Variants in WWOX observed in about 807,000 individuals in gnomAD.
The protein encoded by WWOX is WW domain containing oxidoreductase.
A neutral mutation model predicts 46.2 loss-of-function variants in WWOX; 69 were observed. The observed-to-expected ratio is 1.49, with a 90% CI of 1.23 to 1.82. The LOEUF is 1.82. WWOX is among the 40% of genes most tolerant of loss of function. The pLI is 0.00. For synonymous variants in WWOX, 359 were observed against 202.6 expected (o/e 1.77, Z -6.56); for missense variants, 919 against 542.6 (o/e 1.69, Z -6.89).
intron 8 of WWOX, among the ~76,000 whole-genome samples, chr16:78,857,530 C>G (rs2052594820): frequency 6.6e-6 from 1 of 152,130 alleles, no homozygotes; most frequent in South Asian, 2.1e-4. Flanking sequence ...AAGACTTGTT[C>G]TGAGAAATCA....
At chr16:78,880,666 C>G (rs1276920843) in intron 8 of WWOX, among the ~76,000 whole-genome samples, 1 of 152,174 alleles carries the variant, frequency 6.6e-6, no homozygotes, top group Non-Finnish European at 1.5e-5. Context: ...ATTCACTTGC[C>G]GAACTTGCTG....
At chr16:78,677,448 A>C (rs2047628162) in intron 8 of WWOX, among the ~76,000 whole-genome samples, 1 of 152,176 alleles carries the variant, frequency 6.6e-6, no homozygotes. Flanking sequence ...AAGTTTCACA[A>C]AAAAAATTCG....
chr16:78,554,885 C>G (rs1366729942), intron 8 of WWOX, among the ~76,000 whole-genome samples: 4 of 152,136 alleles, frequency 2.6e-5, no homozygotes, highest in Admixed American at 2.6e-4. Flanking sequence ...TGGAGACAAT[C>G]CATTCCTTTC....
In WWOX at chr16:78,263,965, C is replaced by T. The variant is rs186532567; in HGVS notation, c.516+99676C>T. On this transcript the variant is annotated intron_variant, in intron 5 of 8. Transcript: ENST00000566780. ...CCATCTCACGACTTTTCCCTTAATG[C>T]AACAAAGAAATATGTGTTTGGCTGT... is the stretch of plus-strand genomic sequence containing the variant. Among the ~76,000 whole-genome samples the T allele has an allele frequency of 2.3e-5, 3 of 130,436 alleles. No individual in the cohort carries two copies. The East Asian group carries it at 7.9e-4, about 34-fold the overall frequency. The allele number at this position is 130,436 out of a possible 152,430, so 85.6% of individuals were successfully genotyped here.
intron 8 of WWOX, among the ~76,000 whole-genome samples, chr16:78,820,037 G>C (rs935237999): frequency 2.0e-5 from 3 of 152,120 alleles, no homozygotes; most frequent in African/African-American, 4.8e-5. Flanking sequence ...AATAACTCTG[G>C]CATTGTTCTT....
chr16:78,505,244 G>C (rs538897645), intron 8 of WWOX, among the ~76,000 whole-genome samples: 1 of 152,322 alleles, frequency 6.6e-6, no homozygotes, highest in Non-Finnish European at 1.5e-5. Flanking sequence ...CCTGGAGTGA[G>C]AAAACAGAAT....
intron 5 of WWOX, among the ~76,000 whole-genome samples, chr16:78,213,874 T>C (rs1233748619): frequency 2.0e-5 from 3 of 152,166 alleles, no homozygotes; most frequent in Non-Finnish European, 4.4e-5. Flanking sequence ...CCTGAGGGCT[T>C]CTGGGGCCCC....
intron 8 of WWOX, among the ~76,000 whole-genome samples, chr16:78,523,489 T>G (rs368340895): frequency 1.6e-4 from 24 of 152,336 alleles, no homozygotes; most frequent in African/African-American, 5.8e-4. Context: ...GTAGCAATTC[T>G]AGTCTGATGT....
intron 8 of WWOX, among the ~76,000 whole-genome samples, chr16:78,575,194 G>C (rs2667520): frequency 1.4e-5 from 2 of 139,906 alleles, no homozygotes; most frequent in Admixed American, 1.5e-4. Flanking sequence ...CTTCAGCTGG[G>C]ATGAGAAACC....
chr16:78,765,261 G>C (rs184948344), intron 8 of WWOX, among the ~76,000 whole-genome samples: 1 of 152,362 alleles, frequency 6.6e-6, no homozygotes, highest in Admixed American at 6.5e-5. Context: ...TGTCAGGAAT[G>C]AGAAGAGCCC....
intron 1 of WWOX, among the ~76,000 whole-genome samples, chr16:78,102,230 C>G (rs973883024): frequency 6.6e-6 from 1 of 151,990 alleles, no homozygotes; most frequent in Non-Finnish European, 1.5e-5. Flanking sequence ...GTTTTGAGCT[C>G]AAGTAGAGGT....
chr16:78,892,802 C>T (rs2044619693), intron 8 of WWOX, among the ~76,000 whole-genome samples: 1 of 152,194 alleles, frequency 6.6e-6, no homozygotes, highest in Admixed American at 6.5e-5. Context: ...TTTGGACCAA[C>T]CTGCAGTTAG....
intron 8 of WWOX, among the ~76,000 whole-genome samples, chr16:79,169,416 G>T (rs530118811): frequency 1.3e-5 from 2 of 152,304 alleles, no homozygotes; most frequent in South Asian, 4.1e-4. Context: ...TTGGAGAAAT[G>T]CAGTGCTTCC....
chr16:79,002,963 T>A (rs1007447897), intron 8 of WWOX, among the ~76,000 whole-genome samples: 4 of 152,098 alleles, frequency 2.6e-5, no homozygotes, highest in Non-Finnish European at 5.9e-5. Context: ...GAAAGAAAAA[T>A]GATATCGCTC....
chr16:79,040,931 G>GT (rs1228024965), intron 8 of WWOX, among the ~76,000 whole-genome samples: 2 of 152,094 alleles, frequency 1.3e-5, no homozygotes, highest in Non-Finnish European at 2.9e-5. Flanking sequence ...ACGCATCCAT[G>GT]GATGGAGCAT....
chr16:78,355,905 C>G, intron 5 of WWOX: 2 of 381,922 alleles, frequency 5.2e-6, no homozygotes, highest in Non-Finnish European at 1.0e-5. Context: ...GCAAGATATT[C>G]AAAAGAGAAA....
At chr16:78,261,795 T>TGTATCTATCTATCTATCTAG (rs2079246073) in intron 5 of WWOX, among the ~76,000 whole-genome samples, 4 of 63,990 alleles carry the variant, frequency 6.3e-5, no homozygotes, top group African/African-American at 2.2e-4. Context: ...TATCTATATA[T>TGTATCTATCTATCTATCTAG]ATATATATAT....
intron 8 of WWOX, among the ~76,000 whole-genome samples, chr16:79,211,062 A>C (rs187938042): frequency 6.3e-5 from 3 of 47,796 alleles, no homozygotes; most frequent in East Asian, 3.8e-4. Context: ...TGTGTGCATT[A>C]AATGTTTTAA....
At chr16:78,332,452 T>C (rs1471515089) in intron 5 of WWOX, among the ~76,000 whole-genome samples, 1 of 152,186 alleles carries the variant, frequency 6.6e-6, no homozygotes, top group Non-Finnish European at 1.5e-5. Context: ...GCTGCATGAA[T>C]TCCTGCACTA....
Sources: allele counts gnomAD v4.1 joint callset (sites outside exome capture counted in the v4.1 genomes callset), GRCh38; gene constraint gnomAD v4.1.1; transcripts MANE v1.5; gene names NCBI Gene and HGNC (gene_info 2026-07-23, HGNC 2026-07-21).